The following CNOT11 variants were observed in gnomAD, a reference collection of about 807,000 sequenced individuals.
The protein encoded by CNOT11 is UPF0760 protein C2orf29.
CNOT11 carries 18 observed loss-of-function variants against 44.6 expected under a neutral mutation model. The ratio of observed to expected loss-of-function variants is 0.40; its 90% CI spans 0.28 to 0.60. The LOEUF (loss-of-function observed/expected upper bound fraction) is 0.60, where lower values mean the gene tolerates loss of function less well. Ranked by LOEUF, CNOT11 falls within the 20% of genes least tolerant of loss-of-function variation. The probability of loss-of-function intolerance (pLI) is 0.38; values close to 1 mark genes in which losing one functional copy is unlikely to be tolerated. For synonymous variants in CNOT11, 291 were observed against 270.9 expected (o/e 1.07, Z -0.73); for missense variants, 513 against 677.0 (o/e 0.76, Z 2.69).
Position 101,253,335 on chromosome 2 carries a change from G to C in CNOT11, c.371G>C (p.Arg124Pro). 1 of 1,604,122 alleles carries C rather than the reference G, an allele frequency of 6.2e-7. No individual in the cohort carries two copies. Among genetic ancestry groups the C allele is most frequent in the Non-Finnish European group, 8.5e-7 (1 of 1,179,004 alleles). ...QPDLLPSAAQ[R>P]LTALYLLWEM... is the part of the protein sequence containing the mutation. Reference sequence around the variant, plus strand: ...GACCTGCTGCCTAGCGCGGCGCAGCGCCTCACGGCGCTCTACCTGCTCTGG... The same window carrying C: ...GACCTGCTGCCTAGCGCGGCGCAGCCCCTCACGGCGCTCTACCTGCTCTGG... Residue 124 changes from arginine (R) to proline (P), a missense_variant, in exon 1 of 7, where the codon CGC (arginine) becomes CCC (proline). Physicochemically the swap from Arg to Pro is moderately radical, Grantham distance 103. This residue lies in a region of CNOT11 where 259 missense variants were observed against 265.7 expected (regional missense o/e 0.97). Coordinates refer to ENST00000289382, the MANE Select transcript of CNOT11 (RefSeq NM_017546.5). This position sits in a 1 kb window ranked among gnomAD's most constrained non-coding sequence, Gnocchi z 4.3.
At chr2:101,258,057 T>C in intron 2 of CNOT11, 102 bp downstream of exon 2, 1 of 1,187,472 alleles carries the variant, frequency 8.4e-7, no homozygotes, top group Non-Finnish European at 1.2e-6. Context: ...GCTAAAAGGT[T>C]AGTATCATCC....
chr2:101,254,863 A>AACACAC (rs138305137), intron 1 of CNOT11, among the ~76,000 whole-genome samples: 2 of 141,044 alleles, frequency 1.4e-5, no homozygotes, highest in African/African-American at 4.9e-5. Context: ...ACAGCTTCTA[A>AACACAC]ACACACACAC....
Position 101,252,930 on chromosome 2 carries a change from C to T in CNOT11, c.-35C>T. 7.1e-7 allele frequency: 1 copy of T among 1,404,214 alleles called. No homozygotes were observed. The highest frequency in any genetic ancestry group is 9.2e-7 in the Non-Finnish European group (1 of 1,089,646). 87.0% of individuals were successfully genotyped at this position (1,404,214 alleles called of 1,614,324 possible). ...ACGGAGCGAGCCGGCGCCAGGGCCC[C>T]TCGGGCCGGGAAGAGGGGAAGGGGA... On this transcript the variant is annotated 5_prime_UTR_variant, in exon 1 of 7. Transcript: ENST00000289382.
In CNOT11 at chr2:101,256,903, C is replaced by T. The variant is rs530323017; in HGVS notation, c.515-888C>T. ...CTTTACTAAAAAGTACAAAAAATTA[C>T]CTGGGCGTGGTGGCGGGCGCCTGTA... On this transcript the variant is annotated intron_variant, in intron 1 of 6. Transcript: ENST00000289382. Among the ~76,000 whole-genome samples, 24 of 151,828 alleles carry T rather than the reference C, an allele frequency of 1.6e-4. No homozygotes were observed. The South Asian group carries it at 4.8e-3, about 30-fold the overall frequency.
chr2:101,255,356 G>A lies in CNOT11; in HGVS notation c.514+1878G>A, dbSNP rs367643468. Among the ~76,000 whole-genome samples, 55 of 152,240 alleles carry A rather than the reference G, an allele frequency of 3.6e-4. No homozygotes were observed. The South Asian group carries it at 9.3e-3, about 26-fold the overall frequency. The stretch of plus-strand genomic sequence containing the variant: ...TAAAAATACAAAAAATTAGCCGGGC[G>A]CGGTGGCGGGCGCCTGTAGTCCCAG... On this transcript the variant is annotated intron_variant, in intron 1 of 6. Transcript: ENST00000289382.
chr2:101,266,521 C>A (rs1269235528), intron 4 of CNOT11, among the ~76,000 whole-genome samples, 156 bp from the exon 5 acceptor site: 1 of 152,124 alleles, frequency 6.6e-6, no homozygotes, highest in Non-Finnish European at 1.5e-5. Flanking sequence ...GTCAAGACAT[C>A]ATGGGTTTGA....
intron 3 of CNOT11, 91 bp downstream of exon 3, chr2:101,262,782 TTTA>T: frequency 1.0e-6 from 1 of 995,926 alleles, no homozygotes; most frequent in Non-Finnish European, 1.5e-6. Context: ...TCATTTTATT[TTTA>T]TTATGACTTA....
intron 1 of CNOT11, among the ~76,000 whole-genome samples, chr2:101,257,420 C>G (rs963379632): frequency 8.6e-5 from 13 of 151,146 alleles, no homozygotes; most frequent in South Asian, 2.1e-4. Context: ...CCACAAAACG[C>G]AGCTTGGCAG....
chr2:101,260,453 G>A lies in CNOT11; in HGVS notation c.680-2086G>A, dbSNP rs374504809. Among the ~76,000 whole-genome samples, 33 of 152,238 alleles carry A rather than the reference G, an allele frequency of 2.2e-4. No homozygotes were observed. The East Asian group carries it at 5.2e-3, about 24-fold the overall frequency. Reference sequence around the variant, plus strand: ...AGAGTAAGGGCTGAGAAGCCTGGCCGAGTGGCTAAGCTTGCTGCCTGCCGT... The same window carrying A: ...AGAGTAAGGGCTGAGAAGCCTGGCCAAGTGGCTAAGCTTGCTGCCTGCCGT... On this transcript the variant is annotated intron_variant, in intron 2 of 6. Transcript: ENST00000289382.
In CNOT11 at chr2:101,253,063, C is replaced by T. The variant is rs1681656164; in HGVS notation, c.99C>T (p.Gly33=). 2 of 1,516,572 alleles carry T rather than the reference C, an allele frequency of 1.3e-6. No individual in the cohort carries two copies. Among genetic ancestry groups the T allele is most frequent in the Admixed American group, 4.1e-5 (2 of 48,378 alleles). The allele number at this position is 1,516,572 out of a possible 1,614,324, so 93.9% of individuals were successfully genotyped here. Residue 33 remains glycine (G), a synonymous_variant, in exon 1 of 7, where the codon GGC becomes GGT. Transcript: ENST00000289382. This position sits in a 1 kb window ranked among gnomAD's most constrained non-coding sequence, Gnocchi z 4.3. ...CGGCAGGGTCGGCGTCCAGGAGCGG[C>T]TTCGGGGGCTCCGGCGGCGGCAGAG... is the stretch of plus-strand genomic sequence containing the variant. ...REAAGSASRS[G]FGGSGGGRGG... is the part of the protein sequence containing the mutation.
intron 4 of CNOT11, among the ~76,000 whole-genome samples, chr2:101,265,250 A>T (rs1681955810): frequency 6.6e-6 from 1 of 152,036 alleles, no homozygotes; most frequent in Non-Finnish European, 1.5e-5. Context: ...ACAGGCATGC[A>T]CCACCATGCC....
intron 4 of CNOT11, 86 bp from the exon 5 acceptor site, chr2:101,266,591 G>T (rs1176510680): frequency 2.0e-6 from 2 of 992,016 alleles, no homozygotes; most frequent in Admixed American, 1.9e-5. Flanking sequence ...TGTATAAAAT[G>T]CTTATTTCAT....
intron 3 of CNOT11, among the ~76,000 whole-genome samples, chr2:101,262,916 A>G (rs947901679): frequency 1.3e-5 from 2 of 152,108 alleles, no homozygotes; most frequent in Admixed American, 6.6e-5. Flanking sequence ...TTGCATGTCT[A>G]TCCTATGCAT....
In CNOT11 at chr2:101,257,924, G is replaced by C. The variant is rs890427138; in HGVS notation, c.648G>C (p.Val216=). 1.9e-6 allele frequency: 3 copies of C among 1,613,678 alleles called. No individual in the cohort carries two copies. Among genetic ancestry groups the C allele is most frequent in the Admixed American group, 1.7e-5 (1 of 59,948 alleles). ...LMDVGNMGQS[V]DISGLQLALA... ...ACGTTGGAAACATGGGCCAGTCTGT[G>C]GACATTAGTGGGCTTCAGTTAGCCT... The change falls in exon 2 of 7, where the codon GTG becomes GTC. Residue 216 remains valine, a synonymous_variant. Coordinates refer to ENST00000289382, the MANE Select transcript of CNOT11 (RefSeq NM_017546.5).
chr2:101,259,496 T>G (rs1045826698), intron 2 of CNOT11, among the ~76,000 whole-genome samples: 2 of 152,192 alleles, frequency 1.3e-5, no homozygotes, highest in Non-Finnish European at 2.9e-5. Context: ...GAGGAGGCAC[T>G]TTGGGCTTGC....
At chr2:101,254,068 A>C (rs1205539967) in intron 1 of CNOT11, among the ~76,000 whole-genome samples, 2 of 152,198 alleles carry the variant, frequency 1.3e-5, no homozygotes, top group Non-Finnish European at 2.9e-5. Flanking sequence ...TGTAAAATGT[A>C]TTTACTATTG....
At chr2:101,268,315 A>T (rs900986929) in intron 5 of CNOT11, among the ~76,000 whole-genome samples, 2 of 152,098 alleles carry the variant, frequency 1.3e-5, no homozygotes, top group African/African-American at 2.4e-5. Context: ...CCCTTTCACC[A>T]TATTCTTATA....
In CNOT11 at chr2:101,257,048, C is replaced by CA. The variant is rs552843181; in HGVS notation, c.515-732dup. On this transcript the variant is annotated intron_variant, in intron 1 of 6. Coordinates refer to ENST00000289382, the MANE Select transcript of CNOT11 (RefSeq NM_017546.5). Reference sequence around the variant, plus strand: ...TGGGCGACAGAGCGAGATTCCATCTCAAAAAAAAAAAGAAAAGAAAATGAA... The same window carrying CA: ...TGGGCGACAGAGCGAGATTCCATCTCAAAAAAAAAAAAGAAAAGAAAATGAA... Among the ~76,000 whole-genome samples, 1,221 of 134,908 alleles carry CA rather than the reference C, an allele frequency of 9.1e-3. 10 individuals are homozygous for CA. The highest frequency in any genetic ancestry group is 0.015 in the Non-Finnish European group (920 of 62,612). 88.5% of individuals were successfully genotyped at this position (134,908 alleles called of 152,430 possible). A position where few individuals can be genotyped will look rare whatever the true frequency, so the allele number is the denominator to read the frequency against.
rs1415878134 is a variant in CNOT11 at position 101,269,536 on chromosome 2, A to C, written c.*123A>C. On this transcript the variant is annotated 3_prime_UTR_variant, in exon 7 of 7. Coordinates refer to ENST00000289382, the MANE Select transcript of CNOT11 (RefSeq NM_017546.5). The surrounding 1 kb of genome is among the most constrained non-coding windows in gnomAD (Gnocchi z 4.8). Reference sequence around the variant, plus strand: ...ATATAAACAGTACTTTATCTACTTAAAGCAAAGTTTTGCTTTCTTGAATGA... The same window carrying C: ...ATATAAACAGTACTTTATCTACTTACAGCAAAGTTTTGCTTTCTTGAATGA... 4.0e-6 allele frequency: 3 copies of C among 751,938 alleles called. No homozygotes were observed. The highest frequency in any genetic ancestry group is 4.1e-6 in the Non-Finnish European group (2 of 489,306). 46.6% of individuals were successfully genotyped at this position (751,938 alleles called of 1,614,324 possible). A position where few individuals can be genotyped will look rare whatever the true frequency, so the allele number is the denominator to read the frequency against.
Sources: gnomAD v4.1 joint callset for allele counts (sites outside exome capture counted in the v4.1 genomes callset) on GRCh38, gnomAD v4.1.1 for gene constraint, gnomAD v4.1.1 regional missense constraint, Gnocchi (gnomAD v3.1) non-coding constraint, MANE v1.5 for transcripts, NCBI Gene and HGNC (gene_info 2026-07-23, HGNC 2026-07-21) for gene names.